Variants in AUTS2 observed in about 807,000 individuals in gnomAD.
AUTS2 encodes the protein autism susceptibility gene 2 protein.
Under a neutral mutation model 112.4 loss-of-function variants are expected in AUTS2, and 17 were observed. That is an observed-to-expected ratio of 0.15 (90% confidence interval 0.10 to 0.23). The LOEUF is 0.23. Among genes scored for constraint, AUTS2 ranks in the 10% least tolerant of loss-of-function variants. AUTS2 has a pLI of 1.00. For synonymous variants in AUTS2, 751 were observed against 702.7 expected (o/e 1.07, Z -1.09); for missense variants, 1,510 against 1,701.6 (o/e 0.89, Z 1.98).
chr7:70,198,471 A>C (rs1013544382), intron 4 of AUTS2, among the ~76,000 whole-genome samples: 10 of 148,784 alleles, frequency 6.7e-5, no homozygotes, highest in Non-Finnish European at 1.3e-4. Flanking sequence ...TATAACTAGA[A>C]TAACCAATAC....
intron 2 of AUTS2, among the ~76,000 whole-genome samples, chr7:70,019,143 T>G (rs1800162494): frequency 6.6e-6 from 1 of 152,196 alleles, no homozygotes; most frequent in South Asian, 2.1e-4. Context: ...GCTATTATCC[T>G]TAGCCAATTA....
At chr7:70,233,644 C>T (rs891810132) in intron 4 of AUTS2, among the ~76,000 whole-genome samples, 1 of 152,232 alleles carries the variant, frequency 6.6e-6, no homozygotes, top group African/African-American at 2.4e-5. Context: ...TACCTTTCAT[C>T]TCTACTTTCA....
chr7:70,020,976 ACTTTTCTTTT>A (rs1196479681), intron 2 of AUTS2, among the ~76,000 whole-genome samples: 1 of 149,902 alleles, frequency 6.7e-6, no homozygotes, highest in Non-Finnish European at 1.5e-5. Context: ...CAGCCTAGAA[ACTTTTCTTTT>A]CTTTTCTTTT....
chr7:69,954,337 A>G (rs1012170801), intron 2 of AUTS2, among the ~76,000 whole-genome samples: 2 of 152,164 alleles, frequency 1.3e-5, no homozygotes, highest in African/African-American at 4.8e-5. Context: ...GTTAGAGTGC[A>G]GTGGTGCTAT....
chr7:70,142,514 C>T (rs528680459), intron 4 of AUTS2, among the ~76,000 whole-genome samples: 2 of 152,270 alleles, frequency 1.3e-5, no homozygotes, highest in South Asian at 2.1e-4. Context: ...CTGATTTCAA[C>T]GGAGTGGCCG....
chr7:70,135,034 C>T (rs1247420810), intron 4 of AUTS2, among the ~76,000 whole-genome samples: 2 of 151,952 alleles, frequency 1.3e-5, no homozygotes, highest in African/African-American at 4.8e-5. Context: ...GAATGTTTTC[C>T]CTCACAGTCT....
chr7:70,296,541 C>T (rs994188660), intron 4 of AUTS2, among the ~76,000 whole-genome samples: 2 of 152,148 alleles, frequency 1.3e-5, no homozygotes, highest in African/African-American at 4.8e-5. Context: ...ACTATATAAT[C>T]AGCATCTTCC....
chr7:70,092,231 G>T (rs141913594), intron 2 of AUTS2, among the ~76,000 whole-genome samples: 6 of 152,150 alleles, frequency 3.9e-5, no homozygotes, highest in Admixed American at 1.3e-4. Flanking sequence ...CTCATGTTAG[G>T]CATATTTTAG....
chr7:70,704,891 A>G (rs1216887877), intron 6 of AUTS2, among the ~76,000 whole-genome samples: 1 of 152,232 alleles, frequency 6.6e-6, no homozygotes, highest in African/African-American at 2.4e-5. Flanking sequence ...TACCACTCCA[A>G]TTAACTAACA....
At chr7:70,346,102 A>G (rs942953634) in intron 4 of AUTS2, among the ~76,000 whole-genome samples, 4 of 152,066 alleles carry the variant, frequency 2.6e-5, no homozygotes, top group Admixed American at 6.5e-5. Context: ...CTGCTTTTCC[A>G]AAAACTATTT....
At chr7:70,533,587 T>C (rs1244826263) in intron 5 of AUTS2, among the ~76,000 whole-genome samples, 1 of 152,210 alleles carries the variant, frequency 6.6e-6, no homozygotes, top group Non-Finnish European at 1.5e-5. Context: ...GTCCCTTACA[T>C]TGTAGCTCTA....
At chr7:70,593,432 AG>A (rs1270259495) in intron 5 of AUTS2, among the ~76,000 whole-genome samples, 6 of 152,172 alleles carry the variant, frequency 3.9e-5, no homozygotes, top group Non-Finnish European at 7.3e-5. Context: ...CTGGGACTGA[AG>A]CTGGGGCATC....
intron 1 of AUTS2, among the ~76,000 whole-genome samples, chr7:69,893,618 T>C (rs891384255): frequency 2.0e-5 from 3 of 152,214 alleles, no homozygotes; most frequent in African/African-American, 7.2e-5. Flanking sequence ...CACATACATA[T>C]ACATGCATTT....
At chr7:69,848,660 A>G (rs1296712632) in intron 1 of AUTS2, among the ~76,000 whole-genome samples, 1 of 152,132 alleles carries the variant, frequency 6.6e-6, no homozygotes, top group Non-Finnish European at 1.5e-5. Flanking sequence ...CTCTAAAGCA[A>G]TATTTGTTGG....
At chr7:70,481,574 C>T (rs975262625) in intron 5 of AUTS2, among the ~76,000 whole-genome samples, 1 of 152,190 alleles carries the variant, frequency 6.6e-6, no homozygotes, top group Non-Finnish European at 1.5e-5. Context: ...TTTAACTGAG[C>T]TGGGCCTACT....
intron 6 of AUTS2, among the ~76,000 whole-genome samples, chr7:70,757,459 A>G (rs937561852): frequency 6.6e-6 from 1 of 151,996 alleles, no homozygotes; most frequent in Non-Finnish European, 1.5e-5. Context: ...TTGGTTTTCA[A>G]TTTAGTTGAC....
intron 4 of AUTS2, among the ~76,000 whole-genome samples, chr7:70,170,118 C>A (rs1808592205): frequency 6.7e-6 from 1 of 148,876 alleles, no homozygotes. Flanking sequence ...AATCTTTGAT[C>A]CACTGTCTCT....
At position 69,705,748 on chromosome 7, in the gene AUTS2, TG is replaced by T. The variant is rs1470098328; in HGVS notation, c.309+105787del. Among the ~76,000 whole-genome samples, 15 of 152,278 alleles carry T rather than the reference TG, an allele frequency of 9.9e-5. No individual in the cohort carries two copies. In the South Asian group the frequency reaches 2.9e-3, roughly 29 times the overall value. ...GACCAGGTGACTTAAACAATAGAAA[TG>T]TATTTTCTCTCAGCTCTGGAGGCTA... On this transcript the variant is annotated intron_variant, in intron 1 of 18. Coordinates refer to ENST00000342771, the MANE Select transcript of AUTS2 (RefSeq NM_015570.4).
At chr7:70,242,190 G>A (rs1004503510) in intron 4 of AUTS2, among the ~76,000 whole-genome samples, 2 of 152,128 alleles carry the variant, frequency 1.3e-5, no homozygotes, top group Non-Finnish European at 2.9e-5. Flanking sequence ...GTGGTTGCCC[G>A]TGCCTTCTCA....
Sources: allele counts gnomAD v4.1 joint callset (sites outside exome capture counted in the v4.1 genomes callset), GRCh38; gene constraint gnomAD v4.1.1; transcripts MANE v1.5; gene names NCBI Gene and HGNC (gene_info 2026-07-23, HGNC 2026-07-21).